The following SH3KBP1 variants were observed in gnomAD, a reference collection of about 807,000 sequenced individuals.
The protein encoded by SH3KBP1 is SH3 domain containing kinase binding protein 1.
Under a neutral mutation model 50.1 loss-of-function variants are expected in SH3KBP1, and 8 were observed. The ratio of observed to expected loss-of-function variants is 0.16; its 90% CI spans 0.09 to 0.29. The LOEUF is 0.29. SH3KBP1 is among the 10% of genes least tolerant of loss of function. The pLI, the probability that SH3KBP1 is intolerant of heterozygous loss-of-function variation, is 1.00. For missense variants in SH3KBP1, 377 were observed against 535.2 expected (o/e 0.70, Z 2.92); for synonymous variants, 227 against 218.6 (o/e 1.04, Z -0.34).
chrX:19,573,832 C>A (rs2066117399), intron 12 of SH3KBP1, among the ~76,000 whole-genome samples: 1 of 111,290 alleles, frequency 9.0e-6, no homozygotes, highest in Non-Finnish European at 1.9e-5. Context: ...GCCAGGTGTG[C>A]TACATCTAAA....
intron 1 of SH3KBP1, among the ~76,000 whole-genome samples, chrX:19,851,842 T>C (rs2068518074): frequency 1.8e-5 from 2 of 111,690 alleles, no homozygotes; most frequent in African/African-American, 3.3e-5. Context: ...CGGCAGAAAA[T>C]ATACTCTTAA....
intron 8 of SH3KBP1, among the ~76,000 whole-genome samples, chrX:19,609,785 C>T (rs1217870095): frequency 8.9e-6 from 1 of 112,157 alleles, no homozygotes. Context: ...CAGCCATGTA[C>T]ACAATGCCTC....
At chrX:19,546,073 C>A (rs1248043559) in intron 14 of SH3KBP1, 23 bp from the exon 15 acceptor site, 1 of 1,209,388 alleles carries the variant, frequency 8.3e-7, no homozygotes, top group Non-Finnish European at 1.1e-6. Context: ...AAAGAAAATG[C>A]TTTTGTCAGA....
At chrX:19,689,307 C>T (rs748373382) in intron 5 of SH3KBP1, among the ~76,000 whole-genome samples, 1 of 112,225 alleles carries the variant, frequency 8.9e-6, no homozygotes, top group South Asian at 3.7e-4. Flanking sequence ...ACCATTACTC[C>T]TCAGAACACA....
chrX:19,621,013 T>G (rs1398281332), intron 8 of SH3KBP1, among the ~76,000 whole-genome samples: 2 of 57,994 alleles, frequency 3.4e-5, no homozygotes, highest in Non-Finnish European at 6.1e-5. Context: ...TTCAGGTTGG[T>G]TTTTTTTTTT....
chrX:19,697,281 C>T lies in SH3KBP1; in HGVS notation c.391-1540G>A, dbSNP rs181373065. Among the ~76,000 whole-genome samples the T allele has an allele frequency of 4.6e-3, 512 of 112,022 alleles. 5 individuals are homozygous for T. Among genetic ancestry groups the T allele is most frequent in the African/African-American group, 0.016 (494 of 30,858 alleles). On this transcript the variant is annotated intron_variant, in intron 4 of 17. Coordinates refer to ENST00000397821, the MANE Select transcript of SH3KBP1 (RefSeq NM_031892.3). The stretch of plus-strand genomic sequence containing the variant: ...CAAATTAATAAATACAATGTAAAAG[C>T]TAAAATAATTTAAACAAAAAAGAAA...
rs1169252546 is a variant in SH3KBP1, at chrX:19,584,506, AT to A, written c.1298+4136del. Among the ~76,000 whole-genome samples, 12 of 106,918 alleles carry A rather than the reference AT, an allele frequency of 1.1e-4. No homozygotes were observed. In the East Asian group the frequency reaches 3.5e-3, roughly 31 times the overall value. 92.8% of individuals were successfully genotyped at this position (106,918 alleles called of 115,157 possible). ...CACCATGCCTGCATAATTTTTAAAAATTTTTTTGTAGAGATGTGGTCTCACT... is the reference window on the plus strand; with the variant it reads ...CACCATGCCTGCATAATTTTTAAAAATTTTTTGTAGAGATGTGGTCTCACT... On this transcript the variant is annotated intron_variant, in intron 12 of 17. Coordinates refer to ENST00000397821, the MANE Select transcript of SH3KBP1 (RefSeq NM_031892.3).
chrX:19,798,730 G>A (rs2066799187), intron 2 of SH3KBP1, among the ~76,000 whole-genome samples: 1 of 111,896 alleles, frequency 8.9e-6, no homozygotes, highest in African/African-American at 3.3e-5. Context: ...AGAACTTGGT[G>A]GCCACAAAAG....
At chrX:19,691,325 G>GCT (rs747033807) in intron 5 of SH3KBP1, among the ~76,000 whole-genome samples, 896 of 84,324 alleles carry the variant, frequency 0.011, 19 homozygotes, top group East Asian at 0.075. Flanking sequence ...AATCTCTGTC[G>GCT]CTCTCTCTCT....
At chrX:19,727,002 C>T (rs770431478) in intron 3 of SH3KBP1, among the ~76,000 whole-genome samples, 19 of 112,413 alleles carry the variant, frequency 1.7e-4, no homozygotes, top group East Asian at 2.8e-4. Flanking sequence ...TCATCCATCA[C>T]GCTTCTCAAG....
intron 7 of SH3KBP1, among the ~76,000 whole-genome samples, chrX:19,634,705 G>A (rs1235823837): frequency 1.8e-5 from 2 of 111,714 alleles, no homozygotes; most frequent in Admixed American, 9.5e-5. Context: ...TCCCAGCTGG[G>A]CTTTCGCAAG....
intron 9 of SH3KBP1, among the ~76,000 whole-genome samples, chrX:19,598,205 TC>T (rs2066965091): frequency 9.0e-6 from 1 of 110,739 alleles, no homozygotes; most frequent in Non-Finnish European, 1.9e-5. Context: ...ACTCAAACTT[TC>T]TCCATATCAT....
At chrX:19,572,342 TA>T (rs199513485) in intron 12 of SH3KBP1, among the ~76,000 whole-genome samples, 1,743 of 100,414 alleles carry the variant, frequency 0.017, 42 homozygotes, top group African/African-American at 0.068. Context: ...ATGTTATATA[TA>T]GTACATATAT....
At chrX:19,854,416 G>A (rs1351910249) in intron 1 of SH3KBP1, among the ~76,000 whole-genome samples, 1 of 111,362 alleles carries the variant, frequency 9.0e-6, no homozygotes, top group East Asian at 2.8e-4. Flanking sequence ...ACGCCCAGCC[G>A]GCAGCTATTT....
intron 9 of SH3KBP1, among the ~76,000 whole-genome samples, chrX:19,606,487 G>C (rs1198003675): frequency 2.7e-5 from 3 of 112,566 alleles, no homozygotes; most frequent in Non-Finnish European, 3.7e-5. Context: ...TATTGCTACA[G>C]TCATCAGTAA....
At chrX:19,733,573 A>T (rs1401346384) in intron 3 of SH3KBP1, among the ~76,000 whole-genome samples, 1 of 111,242 alleles carries the variant, frequency 9.0e-6, no homozygotes, top group Non-Finnish European at 1.9e-5. Context: ...ATTTTGAAGT[A>T]AAAAATGAAG....
chrX:19,751,391 C>T (rs1161094274), intron 2 of SH3KBP1, among the ~76,000 whole-genome samples: 2 of 111,255 alleles, frequency 1.8e-5, no homozygotes, highest in Non-Finnish European at 3.8e-5. Flanking sequence ...TTGTTAAGAA[C>T]CTGGGTCCTA....
chrX:19,865,774 G>C (rs1032512500), intron 1 of SH3KBP1, among the ~76,000 whole-genome samples: 4 of 112,067 alleles, frequency 3.6e-5, no homozygotes, highest in Non-Finnish European at 7.5e-5. Context: ...GTCCCCAAAT[G>C]ACTGTACACA....
At chrX:19,562,890 C>T (rs2065726501) in intron 13 of SH3KBP1, among the ~76,000 whole-genome samples, 1 of 111,901 alleles carries the variant, frequency 8.9e-6, no homozygotes, top group Non-Finnish European at 1.9e-5. Flanking sequence ...TACTAATTTG[C>T]TCTCTGTATA....
Sources: gnomAD v4.1 joint callset for allele counts (sites outside exome capture counted in the v4.1 genomes callset) on GRCh38, gnomAD v4.1.1 for gene constraint, MANE v1.5 for transcripts, NCBI Gene and HGNC (gene_info 2026-07-23, HGNC 2026-07-21) for gene names.